The following WWOX variants were observed in gnomAD, a reference collection of about 807,000 sequenced individuals.
WWOX encodes the protein WW domain-containing oxidoreductase.
WWOX carries 69 observed loss-of-function variants against 46.2 expected under a neutral mutation model. The ratio of observed to expected loss-of-function variants is 1.49; its 90% CI spans 1.23 to 1.82. WWOX has a LOEUF of 1.82. Ranked by LOEUF, WWOX falls within the 40% of genes most tolerant of loss-of-function variation. The pLI is 0.00. For missense variants in WWOX, 919 were observed against 542.6 expected (o/e 1.69, Z -6.89); for synonymous variants, 359 against 202.6 (o/e 1.77, Z -6.56).
intron 8 of WWOX, among the ~76,000 whole-genome samples, chr16:78,557,689 ATTTTTTTTTTT>A (rs34068363): frequency 5.2e-5 from 5 of 96,648 alleles, no homozygotes; most frequent in Admixed American, 1.1e-4. Flanking sequence ...CTAGGGAAGG[ATTTTTTTTTTT>A]TTTTTTTTTT....
intron 8 of WWOX, among the ~76,000 whole-genome samples, chr16:78,704,731 A>G (rs553204562): frequency 2.6e-5 from 4 of 152,244 alleles, no homozygotes; most frequent in African/African-American, 9.6e-5. Flanking sequence ...TGCTGGGTGA[A>G]TTCTGGAAAT....
chr16:78,165,774 A>G (rs62045119), intron 5 of WWOX, among the ~76,000 whole-genome samples: 20,305 of 152,198 alleles, frequency 0.13, 1,583 homozygotes, highest in East Asian at 0.22. Flanking sequence ...AGGAAGATTT[A>G]TTTCTGCTTT....
chr16:78,633,420 T>G (rs1444616719), intron 8 of WWOX, among the ~76,000 whole-genome samples: 1 of 152,192 alleles, frequency 6.6e-6, no homozygotes, highest in Non-Finnish European at 1.5e-5. Context: ...CCTTCCTGTC[T>G]TCAAGCCTGA....
intron 5 of WWOX, among the ~76,000 whole-genome samples, chr16:78,304,090 C>T (rs767463667): frequency 6.6e-6 from 1 of 152,182 alleles, no homozygotes; most frequent in Non-Finnish European, 1.5e-5. Flanking sequence ...AACATAGCTT[C>T]GGTGCTCCTT....
chr16:78,855,723 G>C (rs966254447), intron 8 of WWOX, among the ~76,000 whole-genome samples: 2 of 152,198 alleles, frequency 1.3e-5, no homozygotes, highest in East Asian at 3.9e-4. Flanking sequence ...TTGGGGTGGA[G>C]AGAGACGCAC....
At chr16:78,867,496 G>GTA in intron 8 of WWOX, among the ~76,000 whole-genome samples, 1 of 151,440 alleles carries the variant, frequency 6.6e-6, no homozygotes, top group South Asian at 2.1e-4. Context: ...GTGTGTGTGT[G>GTA]TGTGTGTGTG....
chr16:78,933,190 G>C (rs1286622018), intron 8 of WWOX, among the ~76,000 whole-genome samples: 2 of 152,222 alleles, frequency 1.3e-5, no homozygotes, highest in Non-Finnish European at 2.9e-5. Context: ...TGTAATCCCA[G>C]CACTTTGGCA....
At chr16:78,677,352 A>G (rs1307026442) in intron 8 of WWOX, among the ~76,000 whole-genome samples, 3 of 152,228 alleles carry the variant, frequency 2.0e-5, no homozygotes, top group Non-Finnish European at 4.4e-5. Context: ...GATTACATAC[A>G]TCCTGAAAAC....
At position 79,116,232 on chromosome 16, in the gene WWOX, G is replaced by A. The variant is rs371943804; in HGVS notation, c.1057-95376G>A. Among the ~76,000 whole-genome samples, 7 of 152,260 alleles carry A rather than the reference G, an allele frequency of 4.6e-5. No individual in the cohort carries two copies. In the East Asian group the frequency reaches 1.3e-3, roughly 29 times the overall value. On this transcript the variant is annotated intron_variant, in intron 8 of 8. Coordinates refer to ENST00000566780, the MANE Select transcript of WWOX (RefSeq NM_016373.4). ...GTTGCTGAAGGTTGGGGTGGCTGTGGCAATTTCTTAAAATAAGACAAGGAT... is the reference window on the plus strand; with the variant it reads ...GTTGCTGAAGGTTGGGGTGGCTGTGACAATTTCTTAAAATAAGACAAGGAT...
intron 8 of WWOX, among the ~76,000 whole-genome samples, chr16:78,843,869 T>G (rs954726142): frequency 6.6e-6 from 1 of 152,200 alleles, no homozygotes. Flanking sequence ...TAATTTGTTT[T>G]CTCTGAAGCG....
At chr16:78,254,576 G>C (rs895562549) in intron 5 of WWOX, among the ~76,000 whole-genome samples, 13 of 135,416 alleles carry the variant, frequency 9.6e-5, no homozygotes, top group African/African-American at 3.7e-4. Context: ...AGCAATCTCA[G>C]CTCACTGCAA....
Position 78,947,370 on chromosome 16 carries a change from C to G in WWOX, c.1057-264238C>G, listed in dbSNP as rs191439434. Among the ~76,000 whole-genome samples, 34 of 145,622 alleles carry G rather than the reference C, an allele frequency of 2.3e-4. No homozygotes were observed. The East Asian group carries it at 5.7e-3, about 25-fold the overall frequency. ...GCCCCTAGCTGCATTTGTTATTTTT[C>G]TCTTCCCCCCCTTAGCTGTATCCCT... On this transcript the variant is annotated intron_variant, in intron 8 of 8. Transcript: ENST00000566780.
At chr16:79,054,791 A>G (rs772393825) in intron 8 of WWOX, among the ~76,000 whole-genome samples, 2 of 152,198 alleles carry the variant, frequency 1.3e-5, no homozygotes, top group African/African-American at 4.8e-5. Flanking sequence ...ACACCACCGC[A>G]CTCCAGCCTG....
At chr16:78,814,135 C>A (rs557375633) in intron 8 of WWOX, among the ~76,000 whole-genome samples, 1 of 152,304 alleles carries the variant, frequency 6.6e-6, no homozygotes, top group African/African-American at 2.4e-5. Context: ...GAAGACAGAA[C>A]CCGGCCAGAT....
chr16:79,209,965 T>G (rs1425508593), intron 8 of WWOX, among the ~76,000 whole-genome samples: 1 of 152,196 alleles, frequency 6.6e-6, no homozygotes. Context: ...GGATAATATC[T>G]GGCTATTTGG....
At chr16:78,933,540 G>C (rs111423534) in intron 8 of WWOX, among the ~76,000 whole-genome samples, 3 of 152,320 alleles carry the variant, frequency 2.0e-5, no homozygotes, top group African/African-American at 7.2e-5. Context: ...GAGCCAGTGT[G>C]AACTGCTCCT....
At chr16:78,558,315 G>A (rs1453026181) in intron 8 of WWOX, among the ~76,000 whole-genome samples, 1 of 152,250 alleles carries the variant, frequency 6.6e-6, no homozygotes, top group African/African-American at 2.4e-5. Context: ...GCTTGTGGAT[G>A]TCTTTGGTTT....
intron 8 of WWOX, chr16:78,896,789 A>G (rs1246950003): frequency 6.6e-6 from 1 of 152,150 alleles, no homozygotes; most frequent in Non-Finnish European, 1.5e-5. Context: ...GAAAATGTAT[A>G]TGCATACATA....
At chr16:78,252,375 G>C (rs1597403643) in intron 5 of WWOX, among the ~76,000 whole-genome samples, 1 of 152,186 alleles carries the variant, frequency 6.6e-6, no homozygotes, top group South Asian at 2.1e-4. Flanking sequence ...AGTTAAAATT[G>C]ACAAGTTAGC....
Sources: allele counts gnomAD v4.1 joint callset (sites outside exome capture counted in the v4.1 genomes callset), GRCh38; gene constraint gnomAD v4.1.1; transcripts MANE v1.5; gene names NCBI Gene and HGNC (gene_info 2026-07-23, HGNC 2026-07-21).